Variants in KSR2 observed in about 807,000 individuals in gnomAD.
KSR2 encodes kinase suppressor of ras 2.
A neutral mutation model predicts 107.8 loss-of-function variants in KSR2; 25 were observed. The observed-to-expected ratio is 0.23, with a 90% confidence interval of 0.17 to 0.32. KSR2 has a LOEUF of 0.32. KSR2 is among the 10% of genes least tolerant of loss of function. KSR2 has a pLI of 1.00. For synonymous variants in KSR2, 480 were observed against 507.0 expected, an observed-to-expected ratio of 0.95 and a Z score of 0.71; for missense variants, 887 against 1,268.9, an observed-to-expected ratio of 0.70 and a Z score of 4.57.
chr12:117,885,518 G>A (rs762839521), intron 1 of KSR2, among the ~76,000 whole-genome samples: 14 of 151,982 alleles, frequency 9.2e-5, no homozygotes, highest in Non-Finnish European at 1.0e-4. Context: ...AAAAGTGTGT[G>A]TCTGTTTTTT....
At chr12:117,787,405 G>A in intron 3 of KSR2, among the ~76,000 whole-genome samples, 1 of 152,190 alleles carries the variant, frequency 6.6e-6, no homozygotes, top group Non-Finnish European at 1.5e-5. Context: ...GGCCACGGCG[G>A]GCGGATCATC....
At chr12:117,957,309 C>T (rs1331150000) in intron 1 of KSR2, among the ~76,000 whole-genome samples, 3 of 152,214 alleles carry the variant, frequency 2.0e-5, no homozygotes, top group East Asian at 1.9e-4. Context: ...GCAACAACCA[C>T]GGTTGTGGTC....
At chr12:117,950,265 C>A (rs954929723) in intron 1 of KSR2, among the ~76,000 whole-genome samples, 1 of 152,012 alleles carries the variant, frequency 6.6e-6, no homozygotes, top group African/African-American at 2.4e-5. Context: ...TGAGCTACTG[C>A]GCCTGGCCTG....
chr12:117,657,549 G>T (rs964897217), intron 5 of KSR2, among the ~76,000 whole-genome samples: 4 of 152,148 alleles, frequency 2.6e-5, no homozygotes, highest in Non-Finnish European at 4.4e-5. Flanking sequence ...TGGTTTCGGG[G>T]GCAGTTTTTC....
chr12:117,797,142 C>T (rs911056332), intron 3 of KSR2, among the ~76,000 whole-genome samples: 2 of 152,154 alleles, frequency 1.3e-5, no homozygotes, highest in African/African-American at 4.8e-5. Flanking sequence ...TAGGCATATA[C>T]CCCACATTAA....
chr12:117,945,791 G>A (rs1896163719), intron 1 of KSR2, among the ~76,000 whole-genome samples: 1 of 152,200 alleles, frequency 6.6e-6, no homozygotes. Context: ...CCAAGGCAAT[G>A]AATTAATAGG....
chr12:117,723,847 A>G (rs956335215), intron 4 of KSR2, among the ~76,000 whole-genome samples: 1 of 152,222 alleles, frequency 6.6e-6, no homozygotes, highest in African/African-American at 2.4e-5. Context: ...AAGTTATGCA[A>G]ATAACATTTA....
intron 3 of KSR2, among the ~76,000 whole-genome samples, chr12:117,800,810 C>A (rs944562614): frequency 2.0e-5 from 3 of 151,322 alleles, no homozygotes; most frequent in Non-Finnish European, 1.5e-5. Context: ...TTCATGTGTT[C>A]TCATTGTTCA....
chr12:117,685,175 C>T (rs1885518805), intron 4 of KSR2, among the ~76,000 whole-genome samples: 2 of 152,200 alleles, frequency 1.3e-5, no homozygotes, highest in Admixed American at 6.5e-5. Flanking sequence ...GACAGCGACC[C>T]GGACTTTGCC....
At chr12:117,849,254 C>G (rs1200950785) in intron 3 of KSR2, among the ~76,000 whole-genome samples, 1 of 152,206 alleles carries the variant, frequency 6.6e-6, no homozygotes, top group Non-Finnish European at 1.5e-5. Context: ...TTCTCACACA[C>G]TGCATAAGGT....
chr12:117,650,672 G>A lies in KSR2; in HGVS notation c.1171+16802C>T, dbSNP rs1883865993. Among the ~76,000 whole-genome samples the A allele has an allele frequency of 2.6e-5, 4 of 152,190 alleles. No individual in the cohort carries two copies. In the South Asian group the frequency reaches 8.3e-4, roughly 32 times the overall value. ...ACTCCTGATTCACTGCTTATGAAAG[G>A]CAAGGAGTTTAGTGACGCTATACAT... is the stretch of plus-strand genomic sequence containing the variant. On this transcript the variant is annotated intron_variant, in intron 5 of 19. Transcript: ENST00000339824.
rs114757078 is a variant in KSR2, at chr12:117,461,597, A to G, written c.*5602T>C. 1,202 of 160,542 alleles carry G rather than the reference A, an allele frequency of 7.5e-3. 17 individuals carry two copies. Among genetic ancestry groups the G allele is most frequent in the African/African-American group, 0.027 (1,133 of 41,848 alleles). 9.9% of individuals were successfully genotyped at this position (160,542 alleles called of 1,614,324 possible). The stretch of plus-strand genomic sequence containing the variant: ...GGGTATGGATTGCAGGGCCTCGAGA[A>G]GGGAGTCTGGGATTTGGGTTAATAT... On this transcript the variant is annotated 3_prime_UTR_variant, in exon 20 of 20. Coordinates refer to ENST00000339824, the MANE Select transcript of KSR2 (RefSeq NM_173598.6).
At chr12:117,915,321 A>G (rs370768918) in intron 1 of KSR2, among the ~76,000 whole-genome samples, 1 of 152,210 alleles carries the variant, frequency 6.6e-6, no homozygotes. Context: ...CTTTGATGAA[A>G]AGGCACTAAT....
rs546015710 is a variant in KSR2 at position 117,576,837 on chromosome 12, T to G, written c.1325+2282A>C. Among the ~76,000 whole-genome samples, 83 of 151,424 alleles carry G rather than the reference T, an allele frequency of 5.5e-4. No individual in the cohort carries two copies. In the Middle Eastern group the frequency reaches 0.01, roughly 19 times the overall value. ...AATTTTATTTATTTGTGTGTGTGTG[T>G]GTGGATGGGGTTCTCACGATGTTGC... On this transcript the variant is annotated intron_variant, in intron 7 of 19. Transcript: ENST00000339824.
rs539143469 is a variant in KSR2, at chr12:117,723,801, T to C, written c.986+37210A>G. 2.5e-4 allele frequency among the ~76,000 whole-genome samples: 38 copies of C among 152,288 alleles called. No homozygotes were observed. In the South Asian group the frequency reaches 7.9e-3, roughly 32 times the overall value. On this transcript the variant is annotated intron_variant, in intron 4 of 19. Transcript: ENST00000339824. ...TTGTGAGTCTTCAACCATTTCATAA[T>C]ATCATTTTTTAAAAAAATCTAATAC... is the stretch of plus-strand genomic sequence containing the variant.
At chr12:117,653,513 C>T (rs954931251) in intron 5 of KSR2, among the ~76,000 whole-genome samples, 2 of 152,198 alleles carry the variant, frequency 1.3e-5, no homozygotes, top group African/African-American at 4.8e-5. Context: ...TACATGATGA[C>T]ATTATGTTGA....
intron 16 of KSR2, among the ~76,000 whole-genome samples, chr12:117,478,492 A>G (rs1407222183): frequency 1.3e-5 from 2 of 151,948 alleles, no homozygotes; most frequent in East Asian, 3.9e-4. Flanking sequence ...TGAAGTGCAG[A>G]GGTGAGATCA....
chr12:117,674,324 T>A (rs1305040918), intron 4 of KSR2: 23 of 503,100 alleles, frequency 4.6e-5, no homozygotes, highest in Admixed American at 3.3e-4. Flanking sequence ...CAGACTCACT[T>A]GCATTTGGTT....
chr12:117,799,990 C>T (rs79997416), intron 3 of KSR2, among the ~76,000 whole-genome samples: 2,009 of 152,300 alleles, frequency 0.013, 49 homozygotes, highest in African/African-American at 0.047. Context: ...TGCAAGATGA[C>T]AGTAGAGGTG....
Sources: gnomAD v4.1 joint callset for allele counts (sites outside exome capture counted in the v4.1 genomes callset) on GRCh38, gnomAD v4.1.1 for gene constraint, MANE v1.5 for transcripts, NCBI Gene and HGNC (gene_info 2026-07-23, HGNC 2026-07-21) for gene names.